HS6ST3: variants seen among roughly 807,000 people sequenced by gnomAD.
HS6ST3 encodes the protein heparan-sulfate 6-O-sulfotransferase 3.
HS6ST3 carries 12 observed loss-of-function variants against 36.7 expected under a neutral mutation model. The ratio of observed to expected loss-of-function variants is 0.33; its 90% CI spans 0.21 to 0.53. HS6ST3 has a LOEUF of 0.53. Ranked by LOEUF, HS6ST3 falls within the 20% of genes least tolerant of loss-of-function variation. The pLI is 0.95. For missense variants in HS6ST3, 584 were observed against 640.9 expected, an observed-to-expected ratio of 0.91 and a Z score of 0.96; for synonymous variants, 240 against 257.5, an observed-to-expected ratio of 0.93 and a Z score of 0.65.
At chr13:96,214,963 T>C (rs1409450765) in intron 1 of HS6ST3, among the ~76,000 whole-genome samples, 1 of 152,252 alleles carries the variant, frequency 6.6e-6, no homozygotes, top group African/African-American at 2.4e-5. Context: ...CTGTATGTAG[T>C]TGATTTGACA....
chr13:96,588,721 T>A (rs1046226444), intron 1 of HS6ST3, among the ~76,000 whole-genome samples: 5 of 152,140 alleles, frequency 3.3e-5, no homozygotes, highest in African/African-American at 1.2e-4. Context: ...GTGTTTAGTA[T>A]CAGGGTGATG....
At chr13:96,345,960 G>A (rs749604071) in intron 1 of HS6ST3, among the ~76,000 whole-genome samples, 3 of 152,212 alleles carry the variant, frequency 2.0e-5, no homozygotes, top group Non-Finnish European at 4.4e-5. Context: ...GGTTGGACAA[G>A]CTTGCATTAG....
chr13:96,181,242 A>G (rs2054238440), intron 1 of HS6ST3, among the ~76,000 whole-genome samples: 1 of 152,208 alleles, frequency 6.6e-6, no homozygotes, highest in Admixed American at 6.5e-5. Flanking sequence ...ATGGTATATT[A>G]CAGACCTTTT....
At chr13:96,442,202 C>T (rs891226179) in intron 1 of HS6ST3, among the ~76,000 whole-genome samples, 3 of 151,922 alleles carry the variant, frequency 2.0e-5, no homozygotes, top group African/African-American at 7.3e-5. Flanking sequence ...TTTGTAAAGA[C>T]GGAGTTTCAC....
At chr13:96,795,892 C>T (rs1023678906) in intron 1 of HS6ST3, among the ~76,000 whole-genome samples, 2 of 152,056 alleles carry the variant, frequency 1.3e-5, no homozygotes, top group Non-Finnish European at 2.9e-5. Flanking sequence ...GAGATGAAGC[C>T]GAGTGGCCCA....
intron 1 of HS6ST3, among the ~76,000 whole-genome samples, chr13:96,542,504 T>C (rs902489955): frequency 8.5e-5 from 13 of 152,204 alleles, no homozygotes; most frequent in Admixed American, 6.5e-5. Flanking sequence ...GGGTCCACCT[T>C]TTCTGGCATA....
intron 1 of HS6ST3, among the ~76,000 whole-genome samples, chr13:96,395,500 G>T (rs530135372): frequency 6.6e-6 from 1 of 152,040 alleles, no homozygotes; most frequent in South Asian, 2.1e-4. Flanking sequence ...CCATCCATCC[G>T]TTTTTTTCCT....
chr13:96,117,398 C>T (rs992140268), intron 1 of HS6ST3, among the ~76,000 whole-genome samples: 5 of 152,070 alleles, frequency 3.3e-5, no homozygotes, highest in Non-Finnish European at 7.4e-5. Context: ...AATAATTGCA[C>T]ATTTAAAATA....
At chr13:96,296,194 C>G (rs1694707668) in intron 1 of HS6ST3, among the ~76,000 whole-genome samples, 1 of 152,168 alleles carries the variant, frequency 6.6e-6, no homozygotes, top group Admixed American at 6.6e-5. Context: ...TTCTACTGGA[C>G]AGCACTGTCC....
intron 1 of HS6ST3, among the ~76,000 whole-genome samples, chr13:96,581,661 T>A (rs1466774956): frequency 6.6e-6 from 1 of 152,174 alleles, no homozygotes; most frequent in African/African-American, 2.4e-5. Context: ...TGTATGCATG[T>A]TAGCTTTCAA....
rs548637047 is a variant in HS6ST3 at position 96,543,547 on chromosome 13, C to T, written c.708-288943C>T. The stretch of plus-strand genomic sequence containing the variant: ...TATAAAAGATAGAACTATTTCAGGC[C>T]TGCCTTCTCCCTATGGATCATCTCT... On this transcript the variant is annotated intron_variant, in intron 1 of 1. Coordinates refer to ENST00000376705, the MANE Select transcript of HS6ST3 (RefSeq NM_153456.4). Among the ~76,000 whole-genome samples the T allele has an allele frequency of 5.3e-5, 8 of 152,316 alleles. No homozygotes were observed. The South Asian group carries it at 1.2e-3, about 24-fold the overall frequency.
chr13:96,810,474 C>T (rs1184694765), intron 1 of HS6ST3, among the ~76,000 whole-genome samples: 2 of 152,146 alleles, frequency 1.3e-5, no homozygotes, highest in Non-Finnish European at 2.9e-5. Flanking sequence ...TTACTTAATG[C>T]TTATTCTATG....
At chr13:96,214,853 A>G (rs1171340820) in intron 1 of HS6ST3, among the ~76,000 whole-genome samples, 1 of 152,258 alleles carries the variant, frequency 6.6e-6, no homozygotes, top group Non-Finnish European at 1.5e-5. Context: ...AAAATTAAGA[A>G]TTTGAGATTT....
intron 1 of HS6ST3, among the ~76,000 whole-genome samples, chr13:96,537,195 A>G (rs143683351): frequency 9.4e-4 from 143 of 152,338 alleles, no homozygotes; most frequent in Middle Eastern, 3.4e-3. Flanking sequence ...ACGTGGAAGC[A>G]GGCAAGAGAG....
At chr13:96,217,434 G>A (rs1028001992) in intron 1 of HS6ST3, among the ~76,000 whole-genome samples, 1 of 152,110 alleles carries the variant, frequency 6.6e-6, no homozygotes, top group African/African-American at 2.4e-5. Context: ...AGCCCCATTA[G>A]ATAATACCCA....
At chr13:96,754,221 A>G (rs2138494647) in intron 1 of HS6ST3, among the ~76,000 whole-genome samples, 1 of 152,206 alleles carries the variant, frequency 6.6e-6, no homozygotes, top group South Asian at 2.1e-4. Flanking sequence ...TGAGTAAATT[A>G]ATTTTATTAT....
At position 96,745,639 on chromosome 13, in the gene HS6ST3, G is replaced by T. The variant is rs575344517; in HGVS notation, c.708-86851G>T. On this transcript the variant is annotated intron_variant, in intron 1 of 1. Coordinates refer to ENST00000376705, the MANE Select transcript of HS6ST3 (RefSeq NM_153456.4). ...GGATAAAACCAGACCTTTTTGTAAA[G>T]GGCGAAGAATTTCCAGGATGGGTCA... is the stretch of plus-strand genomic sequence containing the variant. Among the ~76,000 whole-genome samples, 20 of 152,150 alleles carry T rather than the reference G, an allele frequency of 1.3e-4. No homozygotes were observed. In the East Asian group the frequency reaches 3.5e-3, roughly 26 times the overall value.
At chr13:96,820,394 G>T (rs543702847) in intron 1 of HS6ST3, among the ~76,000 whole-genome samples, 9 of 152,254 alleles carry the variant, frequency 5.9e-5, no homozygotes, top group African/African-American at 2.2e-4. Flanking sequence ...GAAGTGCGGA[G>T]TGTGTATATA....
At chr13:96,665,289 A>C (rs1342472505) in intron 1 of HS6ST3, among the ~76,000 whole-genome samples, 2 of 152,226 alleles carry the variant, frequency 1.3e-5, no homozygotes, top group African/African-American at 4.8e-5. Flanking sequence ...ATTTCAATTG[A>C]ATGCCTACAT....
Sources: allele counts gnomAD v4.1 joint callset (sites outside exome capture counted in the v4.1 genomes callset), GRCh38; gene constraint gnomAD v4.1.1; transcripts MANE v1.5; gene names NCBI Gene and HGNC (gene_info 2026-07-23, HGNC 2026-07-21).